Variants in TNRC18 observed in about 807,000 individuals in gnomAD.
The protein encoded by TNRC18 is trinucleotide repeat-containing gene 18 protein.
A neutral mutation model predicts 226.7 loss-of-function variants in TNRC18; 69 were observed. The ratio of observed to expected loss-of-function variants is 0.30; its 90% CI spans 0.25 to 0.37. The LOEUF (loss-of-function observed/expected upper bound fraction) is 0.37. TNRC18 is among the 10% of genes least tolerant of loss of function. The pLI is 1.00. For missense variants in TNRC18, 4,754 were observed against 4,256.6 expected (o/e 1.12, Z -3.25); for synonymous variants, 2,449 against 1,927.6 (o/e 1.27, Z -7.09).
At chr7:5,331,239 A>T (rs539093710) in intron 19 of TNRC18, among the ~76,000 whole-genome samples, 13 of 152,292 alleles carry the variant, frequency 8.5e-5, no homozygotes, top group African/African-American at 3.1e-4. Context: ...TTTTGACAGA[A>T]TACCGTCAAA....
chr7:5,361,212 G>A (rs1313464068), intron 14 of TNRC18, among the ~76,000 whole-genome samples: 7 of 152,204 alleles, frequency 4.6e-5, no homozygotes, highest in African/African-American at 9.6e-5. Context: ...GGCGGAGACC[G>A]AGCGACAGCC....
chr7:5,392,607 C>G (rs1376041416), intron 3 of TNRC18, among the ~76,000 whole-genome samples: 1 of 152,014 alleles, frequency 6.6e-6, no homozygotes, highest in East Asian at 1.9e-4. Flanking sequence ...CAGAGCAAGA[C>G]TCCATTTCAA....
At chr7:5,349,699 C>T (rs2128143727) in intron 17 of TNRC18, among the ~76,000 whole-genome samples, 1 of 152,306 alleles carries the variant, frequency 6.6e-6, no homozygotes, top group Non-Finnish European at 1.5e-5. Flanking sequence ...AGCGTGAGAG[C>T]AAATGCAAGA....
At position 5,345,769 on chromosome 7, in the gene TNRC18, C is replaced by G; in HGVS notation, c.5512G>C (p.Glu1838Gln). 3.2e-6 allele frequency: 5 copies of G among 1,546,868 alleles called. No homozygotes were observed. Among genetic ancestry groups the G allele is most frequent in the Non-Finnish European group, 4.4e-6 (5 of 1,146,842 alleles). Reference protein sequence around the residue: ...EEEDEEEELEEEDEASGGGYR... With the variant: ...EEEDEEEELEQEDEASGGGYR... ...CCACCACCGCTGGCCTCGTCCTCCT[C>G]CTCGAGCTCCTCCTCCTCGTCCTCC... The change falls in exon 18 of 30, where the codon GAG becomes CAG. Residue 1838 changes from glutamate (E) to glutamine (Q), a missense_variant. Physicochemically the swap from Glu to Gln is conservative, Grantham distance 29 (BLOSUM62 2). Transcript: ENST00000430969.
intron 17 of TNRC18, among the ~76,000 whole-genome samples, chr7:5,351,364 G>A (rs532252398): frequency 2.0e-5 from 3 of 152,168 alleles, no homozygotes; most frequent in Non-Finnish European, 2.9e-5. Context: ...CAAGTCACAC[G>A]CCCACACGAC....
chr7:5,370,274 G>C, intron 11 of TNRC18, 101 bp downstream of exon 11: 1 of 1,354,678 alleles, frequency 7.4e-7, no homozygotes, highest in Non-Finnish European at 9.9e-7. Context: ...AGTGAGCTAA[G>C]ATTGTGCCAC....
At chr7:5,356,091 G>A (rs1452521575) in intron 16 of TNRC18, among the ~76,000 whole-genome samples, 1 of 151,542 alleles carries the variant, frequency 6.6e-6, no homozygotes, top group East Asian at 1.9e-4. Flanking sequence ...TTGAACCCAG[G>A]AGCTAGAAGT....
intron 18 of TNRC18, among the ~76,000 whole-genome samples, chr7:5,337,723 G>A (rs1225078129): frequency 6.6e-6 from 1 of 152,172 alleles, no homozygotes; most frequent in African/African-American, 2.4e-5. Flanking sequence ...GGGGGCTCAT[G>A]CCTGTAATCC....
In TNRC18 at chr7:5,307,961, C is replaced by T. The variant is rs1439085084; in HGVS notation, c.*145G>A. The stretch of plus-strand genomic sequence containing the variant: ...GTGCATGCACACACACTCACCCGGG[C>T]ATCCACGTGCACACCTGGCCCCATG... On this transcript the variant is annotated 3_prime_UTR_variant, in exon 30 of 30. Coordinates refer to ENST00000430969, the MANE Select transcript of TNRC18 (RefSeq NM_001080495.3). 4 of 703,874 alleles carry T rather than the reference C, an allele frequency of 5.7e-6. No homozygotes were observed. The highest frequency in any genetic ancestry group is 7.1e-6 in the Non-Finnish European group (3 of 424,184). The allele number at this position is 703,874 out of a possible 1,614,324, so 43.6% of individuals were successfully genotyped here.
intron 9 of TNRC18, among the ~76,000 whole-genome samples, chr7:5,375,717 A>G (rs1401625660): frequency 6.6e-6 from 1 of 151,542 alleles, no homozygotes; most frequent in Admixed American, 6.6e-5. Context: ...AGCCCACTGG[A>G]CTCCTTCAGT....
In TNRC18 at chr7:5,388,139, G is replaced by A. The variant is rs1156498774; in HGVS notation, c.1685C>T (p.Ala562Val). 1 of 1,558,456 alleles carries A rather than the reference G, an allele frequency of 6.4e-7. No homozygotes were observed. The highest frequency in any genetic ancestry group is 8.7e-7 in the Non-Finnish European group (1 of 1,153,010). ...LDPGAVLPRS[A>V]ATCGRPVADM... ...AGCGACCGGCCGGCCGCAGGTGGCC[G>A]CCGAGCGGGGCAGCACAGCCCCAGG... The change falls in exon 5 of 30, where the codon GCG becomes GTG. Residue 562 changes from alanine to valine, a missense_variant. Coordinates refer to ENST00000430969, the MANE Select transcript of TNRC18 (RefSeq NM_001080495.3).
chr7:5,393,512 GGA>G (rs1780448075), intron 3 of TNRC18, among the ~76,000 whole-genome samples: 1 of 152,214 alleles, frequency 6.6e-6, no homozygotes, highest in African/African-American at 2.4e-5. Flanking sequence ...GGAAGTGGAG[GGA>G]GAGTGGCTGG....
chr7:5,415,369 CTTTTTTT>C (rs368389351), intron 2 of TNRC18, among the ~76,000 whole-genome samples: 12 of 83,138 alleles, frequency 1.4e-4, no homozygotes, highest in East Asian at 9.7e-4. Context: ...CTGTGTCCCT[CTTTTTTT>C]TTTTTTTTTT....
chr7:5,376,936 C>T lies in TNRC18; in HGVS notation c.2519G>A (p.Gly840Glu). ...CTGGTAGGCTGACGGGAGGGAGCCC[C>T]CCAGGCCAGGTGGGAACGCAGGGGC... The part of the protein sequence containing the change: ...GMAPAFPPGL[G>E]GSLPSAYQFV... Residue 840 changes from glycine to glutamate, a missense_variant, in exon 8 of 30, where the codon GGG becomes GAG. Gly to Glu is a moderately conservative substitution (Grantham distance 98, BLOSUM62 -2). Coordinates refer to ENST00000430969, the MANE Select transcript of TNRC18 (RefSeq NM_001080495.3). 1 of 1,598,374 alleles carries T rather than the reference C, an allele frequency of 6.3e-7. No homozygotes were observed.
At position 5,362,784 on chromosome 7, in the gene TNRC18, G is replaced by A; in HGVS notation, c.4261C>T (p.Leu1421=). The A allele has an allele frequency of 6.4e-7, 1 of 1,572,910 alleles. No individual in the cohort carries two copies. Among genetic ancestry groups the A allele is most frequent in the East Asian group, 2.3e-5 (1 of 42,572 alleles). ...ALVARPSLES[L]LAAGSHMLRE... is the part of the protein sequence containing the mutation. ...AGCATGTGGCTGCCAGCTGCCAGCAGACTCTCCAGGGAGGGCCGCGCCACC... is the reference window on the plus strand; with the variant it reads ...AGCATGTGGCTGCCAGCTGCCAGCAAACTCTCCAGGGAGGGCCGCGCCACC... The change falls in exon 12 of 30, where the codon CTG becomes TTG. Residue 1421 remains leucine (L), a synonymous_variant. Coordinates refer to ENST00000430969, the MANE Select transcript of TNRC18 (RefSeq NM_001080495.3).
At chr7:5,313,973 T>C (rs1787582087) in intron 26 of TNRC18, 110 bp from the exon 27 acceptor site, 1 of 1,239,114 alleles carries the variant, frequency 8.1e-7, no homozygotes, top group South Asian at 2.7e-5. Flanking sequence ...GTTTTTGTTT[T>C]TTTTTTGAGA....
chr7:5,372,070 ATTT>A (rs35270494), intron 10 of TNRC18, among the ~76,000 whole-genome samples: 3 of 144,786 alleles, frequency 2.1e-5, no homozygotes, highest in Admixed American at 6.9e-5. Flanking sequence ...CGCCTGGCTA[ATTT>A]TTTTTTTTTT....
intron 5 of TNRC18, among the ~76,000 whole-genome samples, chr7:5,381,501 G>A (rs545017193): frequency 1.3e-5 from 2 of 152,128 alleles, no homozygotes; most frequent in African/African-American, 2.4e-5. Context: ...GCTCCATCAC[G>A]TTCTCTTGAC....
At chr7:5,410,310 CAAAAAAAA>C (rs1157425008) in intron 2 of TNRC18, among the ~76,000 whole-genome samples, 1 of 66,218 alleles carries the variant, frequency 1.5e-5, no homozygotes, top group African/African-American at 4.2e-5. Context: ...GACTCTGTCT[CAAAAAAAA>C]AAAAAAAAAA....
Sources: gnomAD v4.1 joint callset for allele counts (sites outside exome capture counted in the v4.1 genomes callset) on GRCh38, gnomAD v4.1.1 for gene constraint, MANE v1.5 for transcripts, NCBI Gene and HGNC (gene_info 2026-07-23, HGNC 2026-07-21) for gene names.